The following WDR44 variants were observed in gnomAD, a reference collection of about 807,000 sequenced individuals.
WDR44 encodes the protein WD repeat domain 44, also known as WD repeat-containing protein 44.
A neutral mutation model predicts 65.7 loss-of-function variants in WDR44; 9 were observed. The observed-to-expected ratio is 0.14, with a 90% CI of 0.08 to 0.24. The LOEUF is 0.24. Ranked by LOEUF, WDR44 falls within the 10% of genes least tolerant of loss-of-function variation. The pLI is 1.00. For missense variants in WDR44, 425 were observed against 670.9 expected (o/e 0.63, Z 4.05); for synonymous variants, 220 against 235.2 (o/e 0.94, Z 0.59).
At chrX:118,395,618 T>TA (rs1452714297) in intron 6 of WDR44, among the ~76,000 whole-genome samples, 1 of 112,253 alleles carries the variant, frequency 8.9e-6, no homozygotes, top group Admixed American at 9.5e-5. Flanking sequence ...TCTTTGTTGA[T>TA]ATGCTGGATG....
At chrX:118,395,587 A>G (rs2056858888) in intron 6 of WDR44, among the ~76,000 whole-genome samples, 1 of 112,044 alleles carries the variant, frequency 8.9e-6, no homozygotes, top group Admixed American at 9.5e-5. Flanking sequence ...ATACAGAAGA[A>G]AAAATGAAAA....
intron 1 of WDR44, among the ~76,000 whole-genome samples, chrX:118,368,840 C>T (rs2056580770): frequency 9.5e-6 from 1 of 105,757 alleles, no homozygotes; most frequent in Admixed American, 1.0e-4. Context: ...CCTCACCCTC[C>T]TGAGTAGCTG....
chrX:118,394,624 G>A (rs1014982801), intron 5 of WDR44, among the ~76,000 whole-genome samples: 8 of 109,550 alleles, frequency 7.3e-5, no homozygotes, highest in Non-Finnish European at 1.1e-4. Flanking sequence ...GCTAGGAAGC[G>A]GGCTACACAA....
At chrX:118,427,440 T>C (rs1369994819) in intron 12 of WDR44, among the ~76,000 whole-genome samples, 1 of 107,151 alleles carries the variant, frequency 9.3e-6, no homozygotes, top group African/African-American at 3.4e-5. Context: ...CCGGCTAATT[T>C]TTTGTATTTT....
intron 8 of WDR44, among the ~76,000 whole-genome samples, chrX:118,401,589 G>A (rs1267393315): frequency 1.6e-4 from 13 of 81,837 alleles, no homozygotes; most frequent in East Asian, 4.2e-4. Context: ...CAGATGAGTA[G>A]GTTGCGAAAA....
intron 1 of WDR44, among the ~76,000 whole-genome samples, chrX:118,354,619 A>AT (rs1047399456): frequency 1.4e-4 from 15 of 109,480 alleles, no homozygotes; most frequent in East Asian, 1.1e-3. Flanking sequence ...CTTGAATGGT[A>AT]TTTTTTTTTA....
chrX:118,371,134 A>G (rs1336256632), intron 1 of WDR44, among the ~76,000 whole-genome samples: 2 of 111,881 alleles, frequency 1.8e-5, no homozygotes, highest in Non-Finnish European at 3.8e-5. Context: ...TAAGAATGGA[A>G]TCATGTCATA....
intron 1 of WDR44, among the ~76,000 whole-genome samples, chrX:118,366,682 A>G (rs1420337937): frequency 9.0e-6 from 1 of 111,116 alleles, no homozygotes; most frequent in African/African-American, 3.3e-5. Context: ...TATATATAAT[A>G]TATATAATCT....
chrX:118,348,041 T>G (rs1048273024), intron 1 of WDR44, among the ~76,000 whole-genome samples: 1 of 111,551 alleles, frequency 9.0e-6, no homozygotes, highest in Admixed American at 9.5e-5. Flanking sequence ...CCTTTGGTAC[T>G]TTTGTGTGTG....
chrX:118,429,462 G>A (rs1218036993), intron 12 of WDR44, among the ~76,000 whole-genome samples: 1 of 108,420 alleles, frequency 9.2e-6, no homozygotes, highest in Non-Finnish European at 1.9e-5. Context: ...GGTGCTGTGT[G>A]CCTATAATCC....
At chrX:118,376,563 G>A (rs544246189) in intron 1 of WDR44, among the ~76,000 whole-genome samples, 4 of 111,314 alleles carry the variant, frequency 3.6e-5, no homozygotes, top group South Asian at 3.7e-4. Context: ...AATTAGAAAT[G>A]GCATATTAAT....
At chrX:118,436,221 A>G (rs2057253291) in intron 13 of WDR44, among the ~76,000 whole-genome samples, 2 of 112,143 alleles carry the variant, frequency 1.8e-5, no homozygotes, top group Non-Finnish European at 3.8e-5. Context: ...GGTGCACAAT[A>G]ACTTTTCATT....
At chrX:118,448,435 A>G (rs2057366309) in intron 19 of WDR44, among the ~76,000 whole-genome samples, 1 of 111,946 alleles carries the variant, frequency 8.9e-6, no homozygotes, top group Admixed American at 9.6e-5. Context: ...ACTTCATTTC[A>G]TGGCAGTTTC....
chrX:118,429,495 A>G (rs781163178), intron 12 of WDR44, among the ~76,000 whole-genome samples: 1 of 107,925 alleles, frequency 9.3e-6, no homozygotes, highest in African/African-American at 3.4e-5. Context: ...AGGCTGAGGC[A>G]GGAGGATTGC....
rs1556141112 is a variant in WDR44, at chrX:118,440,132, A to AAAAAAG, written c.1975-1233_1975-1232insAAGAAA. 3.7e-5 allele frequency among the ~76,000 whole-genome samples: 4 copies of AAAAAAG among 108,584 alleles called. No individual in the cohort carries two copies. In the East Asian group the frequency reaches 8.6e-4, roughly 23 times the overall value. The allele number at this position is 108,584 out of a possible 115,157, so 94.3% of individuals were successfully genotyped here. ...GAGACCCCATCACCAAAAAAAAAAA[A>AAAAAAG]AAAGAAAGAAAGAAAGAAAAATTCT... On this transcript the variant is annotated intron_variant, in intron 14 of 19. Coordinates refer to ENST00000254029, the MANE Select transcript of WDR44 (RefSeq NM_019045.5).
intron 13 of WDR44, among the ~76,000 whole-genome samples, chrX:118,433,977 T>C (rs761205483): frequency 9.0e-6 from 1 of 111,711 alleles, no homozygotes; most frequent in Non-Finnish European, 1.9e-5. Flanking sequence ...AAGAACATGC[T>C]TAAAGGCGTA....
rs756316958 is a variant in WDR44 at position 118,358,108 on chromosome X, A to G, written c.77+11528A>G. Among the ~76,000 whole-genome samples, 4 of 112,448 alleles carry G rather than the reference A, an allele frequency of 3.6e-5. No homozygotes were observed. The South Asian group carries it at 1.5e-3, about 41-fold the overall frequency. Reference sequence around the variant, plus strand: ...CATCTTGATCAGCAACAGCTACCAAATAACCCAGCTTTTAACAAAAATGAT... The same window carrying G: ...CATCTTGATCAGCAACAGCTACCAAGTAACCCAGCTTTTAACAAAAATGAT... On this transcript the variant is annotated intron_variant, in intron 1 of 19. Coordinates refer to ENST00000254029, the MANE Select transcript of WDR44 (RefSeq NM_019045.5).
chrX:118,391,990 AGAAAG>A (rs1201269108), intron 3 of WDR44, among the ~76,000 whole-genome samples: 3 of 111,856 alleles, frequency 2.7e-5, no homozygotes. Context: ...AAAAAGAAAA[AGAAAG>A]GAAGGGAAAA....
intron 18 of WDR44, 33 bp from the exon 19 acceptor site, chrX:118,444,327 T>C: frequency 8.4e-7 from 1 of 1,193,051 alleles, no homozygotes. Flanking sequence ...GTATCCAATT[T>C]GTCAGTTATC....
Sources: gnomAD v4.1 joint callset for allele counts (sites outside exome capture counted in the v4.1 genomes callset) on GRCh38, gnomAD v4.1.1 for gene constraint, MANE v1.5 for transcripts, NCBI Gene and HGNC (gene_info 2026-07-23, HGNC 2026-07-21) for gene names.